PIK3R6: variants seen among roughly 807,000 people sequenced by gnomAD.
The protein encoded by PIK3R6 is phosphoinositide-3-kinase regulatory subunit 6.
Under a neutral mutation model 84.9 loss-of-function variants are expected in PIK3R6, and 91 were observed. The ratio of observed to expected loss-of-function variants is 1.07; its 90% CI spans 0.90 to 1.28. PIK3R6 has a LOEUF of 1.28. PIK3R6 is among the 50% of genes most tolerant of loss of function. PIK3R6 has a pLI of 0.00. For synonymous variants in PIK3R6, 416 were observed against 411.4 expected, an observed-to-expected ratio of 1.01 and a Z score of -0.13; for missense variants, 996 against 985.1, an observed-to-expected ratio of 1.01 and a Z score of -0.15.
Position 8,835,269 on chromosome 17 carries a change from T to C in PIK3R6, c.645+4A>G. ...TGACAAGGGGCTGCAGGCAGGGCCA[T>C]TACCTGCAGCTTCCTGTGCAGAGCG... On this transcript the variant is annotated splice_donor_region_variant and intron_variant, in intron 8 of 19. Transcript: ENST00000619866. 2.0e-6 allele frequency: 3 copies of C among 1,536,892 alleles called. No individual in the cohort carries two copies. The highest frequency in any genetic ancestry group is 2.6e-6 in the Non-Finnish European group (3 of 1,133,502).
At chr17:8,848,046 C>T (rs1256038420) in intron 2 of PIK3R6, among the ~76,000 whole-genome samples, 1 of 152,146 alleles carries the variant, frequency 6.6e-6, no homozygotes, top group East Asian at 1.9e-4. Context: ...AGGACTGATA[C>T]TCTCTGTCTC....
chr17:8,822,578 C>T lies in PIK3R6; in HGVS notation c.1788+9G>A. On this transcript the variant is annotated intron_variant, in intron 16 of 19. Coordinates refer to ENST00000619866, the MANE Select transcript of PIK3R6 (RefSeq NM_001010855.4). ...TGGCTACCTACTGACCACGTCCATG[C>T]ACACTGACCTTCTGGTAGCATAGGG... 6.2e-7 allele frequency: 1 copy of T among 1,613,928 alleles called. No homozygotes were observed. Among genetic ancestry groups the T allele is most frequent in the Non-Finnish European group, 8.5e-7 (1 of 1,179,812 alleles).
At chr17:8,831,003 G>A (rs140206764) in intron 9 of PIK3R6, among the ~76,000 whole-genome samples, 195 of 152,078 alleles carry the variant, frequency 1.3e-3, no homozygotes, top group African/African-American at 4.4e-3. Flanking sequence ...AAAATTAGCT[G>A]GGCATGGTGG....
At chr17:8,837,677 G>A (rs1335632569) in intron 5 of PIK3R6, 126 bp downstream of exon 5, 2 of 792,294 alleles carry the variant, frequency 2.5e-6, no homozygotes, top group Admixed American at 2.3e-5. Context: ...AGCCAGTTTA[G>A]GGCAGGCAAT....
Position 8,836,571 on chromosome 17 carries a change from T to A in PIK3R6, c.437A>T (p.Asn146Ile), listed in dbSNP as rs1294762405. Residue 146 changes from asparagine (N) to isoleucine (I), a missense_variant, in exon 7 of 20, where the codon AAT becomes ATT. Asn to Ile is a moderately radical substitution (Grantham distance 149). Coordinates refer to ENST00000619866, the MANE Select transcript of PIK3R6 (RefSeq NM_001010855.4). ...RMVIAEQNLT[N>I]ELYPYQERVF... Reference sequence around the variant, plus strand: ...CCTCTCCTGGTAGGGATACAGCTCATTCGTCAAGTTCTGTTCGGCAATGAC... The same window carrying A: ...CCTCTCCTGGTAGGGATACAGCTCAATCGTCAAGTTCTGTTCGGCAATGAC... 1.2e-6 allele frequency: 2 copies of A among 1,613,842 alleles called. No individual in the cohort carries two copies. The highest frequency in any genetic ancestry group is 1.7e-6 in the Non-Finnish European group (2 of 1,179,884).
At chr17:8,850,687 T>C (rs2088933621) in intron 1 of PIK3R6, among the ~76,000 whole-genome samples, 1 of 152,120 alleles carries the variant, frequency 6.6e-6, no homozygotes, top group South Asian at 2.1e-4. Flanking sequence ...ACCTAAGAGA[T>C]TGTTTTTGGA....
At position 8,803,610 on chromosome 17, in the gene PIK3R6, C is replaced by G; in HGVS notation, c.2109-181G>C. ...GAAAGAAAAACCTGGGCCTGGGGTT[C>G]ACCGGGAGAGGAGACACTTGGAGCA... is the stretch of plus-strand genomic sequence containing the variant. On this transcript the variant is annotated intron_variant, in intron 19 of 19. Coordinates refer to ENST00000619866, the MANE Select transcript of PIK3R6 (RefSeq NM_001010855.4). The surrounding 1 kb of genome is among the most constrained non-coding windows in gnomAD (Gnocchi z 5.0). 3.2e-6 allele frequency: 2 copies of G among 625,044 alleles called. No individual in the cohort carries two copies. The highest frequency in any genetic ancestry group is 5.3e-6 in the Non-Finnish European group (2 of 374,182). 38.7% of individuals were successfully genotyped at this position (625,044 alleles called of 1,614,324 possible).
chr17:8,856,357 T>G (rs879357870), intron 1 of PIK3R6, among the ~76,000 whole-genome samples: 1 of 152,148 alleles, frequency 6.6e-6, no homozygotes, highest in Non-Finnish European at 1.5e-5. Flanking sequence ...ATCCCAACAC[T>G]TTGGGATGGT....
intron 1 of PIK3R6, among the ~76,000 whole-genome samples, chr17:8,852,953 A>G (rs2089014057): frequency 6.6e-6 from 1 of 152,126 alleles, no homozygotes; most frequent in Admixed American, 6.6e-5. Context: ...TTAAAAACCT[A>G]TCTGAAGGGA....
At chr17:8,811,547 T>C (rs1053323662) in intron 18 of PIK3R6, among the ~76,000 whole-genome samples, 4 of 148,360 alleles carry the variant, frequency 2.7e-5, no homozygotes, top group Non-Finnish European at 4.4e-5. Flanking sequence ...ACTGAATGCC[T>C]TTAACAGCAC....
intron 1 of PIK3R6, among the ~76,000 whole-genome samples, chr17:8,852,155 G>A (rs972085951): frequency 6.6e-6 from 1 of 152,210 alleles, no homozygotes; most frequent in African/African-American, 2.4e-5. Flanking sequence ...CTGTTTAATG[G>A]GTACAGAGTC....
intron 1 of PIK3R6, among the ~76,000 whole-genome samples, chr17:8,866,581 C>A (rs547224769): frequency 2.6e-4 from 39 of 152,156 alleles, no homozygotes; most frequent in Middle Eastern, 6.8e-3. Flanking sequence ...GCTCCACACA[C>A]CCCCTCTAGC....
Position 8,849,810 on chromosome 17 carries a change from T to C in PIK3R6, c.-16A>G. 1 of 1,611,026 alleles carries C rather than the reference T, an allele frequency of 6.2e-7. No individual in the cohort carries two copies. Reference sequence around the variant, plus strand: ...AGCTCTCCATGGGAGCCTTTGGGTGTAGGAGGAGGAGGATGTGGTTGTCTC... The same window carrying C: ...AGCTCTCCATGGGAGCCTTTGGGTGCAGGAGGAGGAGGATGTGGTTGTCTC... On this transcript the variant is annotated 5_prime_UTR_variant, in exon 2 of 20. Coordinates refer to ENST00000619866, the MANE Select transcript of PIK3R6 (RefSeq NM_001010855.4).
intron 1 of PIK3R6, among the ~76,000 whole-genome samples, chr17:8,864,080 G>C (rs2089346117): frequency 6.6e-6 from 1 of 152,190 alleles, no homozygotes; most frequent in African/African-American, 2.4e-5. Flanking sequence ...GTGCATGCCT[G>C]GTGAGCATTC....
At chr17:8,853,503 T>A (rs368189002) in intron 1 of PIK3R6, among the ~76,000 whole-genome samples, 17,404 of 134,888 alleles carry the variant, frequency 0.13, 1,435 homozygotes, top group Non-Finnish European at 0.18. Flanking sequence ...AAAAAAATAA[T>A]AATAATAATA....
intron 5 of PIK3R6, 88 bp from the exon 6 acceptor site, chr17:8,837,011 C>T (rs746522850): frequency 1.6e-5 from 15 of 953,656 alleles, no homozygotes; most frequent in Admixed American, 6.4e-5. Flanking sequence ...GGGGAGTTTC[C>T]GGGGAGGGGC....
chr17:8,836,434 G>T, intron 7 of PIK3R6, 113 bp downstream of exon 7: 1 of 1,153,060 alleles, frequency 8.7e-7, no homozygotes, highest in Non-Finnish European at 1.3e-6. Context: ...GGGGAGGTCT[G>T]CTAGGGCTCT....
At chr17:8,821,754 G>T in intron 17 of PIK3R6, 92 bp downstream of exon 17, 1 of 1,343,398 alleles carries the variant, frequency 7.4e-7, no homozygotes, top group Non-Finnish European at 1.0e-6. Context: ...TGACTGAGAG[G>T]GCTCCCCCTT....
Position 8,828,551 on chromosome 17 carries a change from C to G in PIK3R6, c.1313+16G>C, listed in dbSNP as rs928096387. The G allele has an allele frequency of 6.2e-7, 1 of 1,609,584 alleles. No homozygotes were observed. The highest frequency in any genetic ancestry group is 2.2e-5 in the East Asian group (1 of 44,836). On this transcript the variant is annotated intron_variant, in intron 11 of 19. Transcript: ENST00000619866. The stretch of plus-strand genomic sequence containing the variant: ...CTGACCAGCGCCCACCCCCAGCCCC[C>G]ACGTCGGGGCCCCACCTGAGTCTGT...
Sources: allele counts gnomAD v4.1 joint callset (sites outside exome capture counted in the v4.1 genomes callset), GRCh38; gene constraint gnomAD v4.1.1; non-coding constraint Gnocchi (gnomAD v3.1); transcripts MANE v1.5; gene names NCBI Gene and HGNC (gene_info 2026-07-23, HGNC 2026-07-21).